The following PPP1R14C variants were observed in gnomAD, a reference collection of about 807,000 sequenced individuals.
The protein encoded by PPP1R14C is protein phosphatase 1 regulatory inhibitor subunit 14C, also known as protein phosphatase 1 regulatory subunit 14C.
A neutral mutation model predicts 20.4 loss-of-function variants in PPP1R14C; 16 were observed. The observed-to-expected ratio is 0.78, with a 90% CI of 0.53 to 1.19. The LOEUF (loss-of-function observed/expected upper bound fraction) is 1.19. Among genes scored for constraint, PPP1R14C ranks in the 50% most tolerant of loss-of-function variants. The pLI is 0.00. For missense variants in PPP1R14C, 211 were observed against 220.1 expected, an observed-to-expected ratio of 0.96 and a Z score of 0.26; for synonymous variants, 91 against 91.0, an observed-to-expected ratio of 1.00 and a Z score of 0.00.
At chr6:150,174,283 G>A (rs557393953) in intron 1 of PPP1R14C, among the ~76,000 whole-genome samples, 9 of 152,176 alleles carry the variant, frequency 5.9e-5, no homozygotes, top group South Asian at 2.1e-4. Flanking sequence ...GCAGTGGTGC[G>A]ATCTCGGCTC....
In PPP1R14C at chr6:150,174,981, A is replaced by G. The variant is rs546940497; in HGVS notation, c.306+31483A>G. ...ATTCTGTCTCAAAAAAAAAAAAAAA[A>G]GTAGTGAAGAGGATGTTTCTTTTTT... On this transcript the variant is annotated intron_variant, in intron 1 of 3. Coordinates refer to ENST00000361131, the MANE Select transcript of PPP1R14C (RefSeq NM_030949.3). Among the ~76,000 whole-genome samples, 529 of 149,270 alleles carry G rather than the reference A, an allele frequency of 3.5e-3. 3 individuals carry two copies. The highest frequency in any genetic ancestry group is 0.012 in the African/African-American group (484 of 40,498).
At chr6:150,231,303 C>T (rs1778292938) in intron 3 of PPP1R14C, among the ~76,000 whole-genome samples, 2 of 152,206 alleles carry the variant, frequency 1.3e-5, no homozygotes, top group South Asian at 2.1e-4. Flanking sequence ...TTTCTATTGC[C>T]TCTTCGATGT....
intron 1 of PPP1R14C, among the ~76,000 whole-genome samples, chr6:150,167,317 G>A (rs1311192854): frequency 6.6e-6 from 1 of 152,008 alleles, no homozygotes; most frequent in South Asian, 2.1e-4. Flanking sequence ...GAGGTGAGCC[G>A]AGATCGCACC....
At chr6:150,227,334 TC>T (rs1236204454) in intron 3 of PPP1R14C, among the ~76,000 whole-genome samples, 2 of 152,192 alleles carry the variant, frequency 1.3e-5, no homozygotes, top group East Asian at 3.9e-4. Flanking sequence ...AACTTCTACA[TC>T]CATTTTTAAA....
Position 150,248,905 on chromosome 6 carries a change from T to G in PPP1R14C, c.*85T>G, listed in dbSNP as rs2114937641. 1.3e-6 allele frequency: 1 copy of G among 791,822 alleles called. No homozygotes were observed. The highest frequency in any genetic ancestry group is 2.0e-6 in the Non-Finnish European group (1 of 495,036). The allele number at this position is 791,822 out of a possible 1,614,324, so 49.0% of individuals were successfully genotyped here. A position where few individuals can be genotyped will look rare whatever the true frequency, so the allele number is the denominator to read the frequency against. On this transcript the variant is annotated 3_prime_UTR_variant, in exon 4 of 4. Transcript: ENST00000361131. Reference sequence around the variant, plus strand: ...ATGAAGACTTTTGTGAAAGAATAGGTGTCCTTATGAACAACGTTTTTGTTT... The same window carrying G: ...ATGAAGACTTTTGTGAAAGAATAGGGGTCCTTATGAACAACGTTTTTGTTT...
chr6:150,147,454 AG>A (rs1777192807), intron 1 of PPP1R14C, among the ~76,000 whole-genome samples: 1 of 151,872 alleles, frequency 6.6e-6, no homozygotes, highest in South Asian at 2.1e-4. Context: ...CTGGGATTAC[AG>A]GCATGAGCCA....
chr6:150,226,184 G>T (rs970886369), intron 3 of PPP1R14C, among the ~76,000 whole-genome samples: 4 of 152,134 alleles, frequency 2.6e-5, no homozygotes, highest in African/African-American at 9.7e-5. Context: ...GGGAAACACA[G>T]CAGTATAATT....
intron 1 of PPP1R14C, among the ~76,000 whole-genome samples, chr6:150,188,098 G>C (rs567299004): frequency 2.6e-5 from 4 of 152,178 alleles, no homozygotes; most frequent in Non-Finnish European, 4.4e-5. Flanking sequence ...AGAAAGGTCT[G>C]TTTATTATCA....
intron 1 of PPP1R14C, among the ~76,000 whole-genome samples, chr6:150,152,270 C>T (rs1276678840): frequency 6.6e-6 from 1 of 152,154 alleles, no homozygotes; most frequent in Non-Finnish European, 1.5e-5. Context: ...TCAGAGGCCA[C>T]ATGGCGGGCA....
At chr6:150,169,627 T>C (rs1777475398) in intron 1 of PPP1R14C, among the ~76,000 whole-genome samples, 1 of 152,218 alleles carries the variant, frequency 6.6e-6, no homozygotes, top group Non-Finnish European at 1.5e-5. Context: ...ACAGGACAAG[T>C]GAATTGTGAA....
chr6:150,224,339 T>G (rs1179307180), intron 3 of PPP1R14C, among the ~76,000 whole-genome samples: 1 of 152,226 alleles, frequency 6.6e-6, no homozygotes, highest in Non-Finnish European at 1.5e-5. Flanking sequence ...TCTTTTGTCT[T>G]TCTATATAAA....
chr6:150,249,773 A>G lies in PPP1R14C; in HGVS notation c.*953A>G, dbSNP rs1166944790. The G allele has an allele frequency of 2.6e-6, 1 of 382,676 alleles. No individual in the cohort carries two copies. The highest frequency in any genetic ancestry group is 4.6e-6 in the Non-Finnish European group (1 of 216,464). 23.7% of individuals were successfully genotyped at this position (382,676 alleles called of 1,614,324 possible). On this transcript the variant is annotated 3_prime_UTR_variant, in exon 4 of 4. Coordinates refer to ENST00000361131, the MANE Select transcript of PPP1R14C (RefSeq NM_030949.3). ...AGATCGAGTGTCTTCTTCCTTAGAA[A>G]TAGGTTCTGGTAGCTTCTGTGCCTG...
At chr6:150,210,196 T>G (rs553563728) in intron 1 of PPP1R14C, among the ~76,000 whole-genome samples, 1 of 152,118 alleles carries the variant, frequency 6.6e-6, no homozygotes, top group African/African-American at 2.4e-5. Context: ...TGCTTGCAAG[T>G]TGGGGCAAGG....
At chr6:150,246,104 A>C (rs1778487545) in intron 3 of PPP1R14C, among the ~76,000 whole-genome samples, 1 of 152,194 alleles carries the variant, frequency 6.6e-6, no homozygotes, top group Non-Finnish European at 1.5e-5. Flanking sequence ...GAAAGTTTGA[A>C]TTTGATTTAG....
intron 1 of PPP1R14C, among the ~76,000 whole-genome samples, chr6:150,178,989 G>A (rs1035622442): frequency 3.3e-5 from 5 of 152,180 alleles, no homozygotes; most frequent in Non-Finnish European, 7.3e-5. Flanking sequence ...CTGTCACTAC[G>A]AATATGGAAG....
At chr6:150,209,969 A>G (rs1410380370) in intron 1 of PPP1R14C, among the ~76,000 whole-genome samples, 1 of 149,182 alleles carries the variant, frequency 6.7e-6, no homozygotes, top group East Asian at 2.0e-4. Context: ...GTGTGTATTC[A>G]TGTGTGTGTA....
rs551715982 is a variant in PPP1R14C, at chr6:150,174,727, G to A, written c.306+31229G>A. ...CGCCTGTAATCCCAGCACTTTGGGA[G>A]GTGGAGGTGGACGGATCACAAGGTC... is the stretch of plus-strand genomic sequence containing the variant. On this transcript the variant is annotated intron_variant, in intron 1 of 3. Transcript: ENST00000361131. Among the ~76,000 whole-genome samples the A allele has an allele frequency of 1.3e-4, 19 of 151,810 alleles. No homozygotes were observed. In the South Asian group the frequency reaches 4.0e-3, roughly 32 times the overall value.
chr6:150,170,401 C>T (rs1777483609), intron 1 of PPP1R14C, among the ~76,000 whole-genome samples: 1 of 151,590 alleles, frequency 6.6e-6, no homozygotes, highest in Non-Finnish European at 1.5e-5. Context: ...TGGCTCACTG[C>T]AAGCTCTGCC....
At chr6:150,191,156 CCTT>C (rs368528942) in intron 1 of PPP1R14C, among the ~76,000 whole-genome samples, 43 of 152,306 alleles carry the variant, frequency 2.8e-4, no homozygotes, top group Admixed American at 1.0e-3. Flanking sequence ...CCCTCCCTCA[CCTT>C]CAGGACCTTA....
Sources: allele counts gnomAD v4.1 joint callset (sites outside exome capture counted in the v4.1 genomes callset), GRCh38; gene constraint gnomAD v4.1.1; transcripts MANE v1.5; gene names NCBI Gene and HGNC (gene_info 2026-07-23, HGNC 2026-07-21).